FHAD1: variants seen among roughly 807,000 people sequenced by gnomAD.
FHAD1 encodes the protein forkhead associated phosphopeptide binding domain 1, also known as forkhead-associated domain-containing protein 1.
In FHAD1, 146 loss-of-function variants were observed where a neutral mutation model predicts 191.3. The observed-to-expected ratio is 0.76, with a 90% CI of 0.67 to 0.88. FHAD1 has a LOEUF of 0.88. FHAD1 is among the 40% of genes least tolerant of loss of function. FHAD1 has a pLI of 0.00. For missense variants in FHAD1, 1,635 were observed against 1,785.8 expected, an observed-to-expected ratio of 0.92 and a Z score of 1.52; for synonymous variants, 616 against 672.3, an observed-to-expected ratio of 0.92 and a Z score of 1.29.
intron 2 of FHAD1, among the ~76,000 whole-genome samples, chr1:15,262,186 A>C (rs1179154916): frequency 2.0e-5 from 3 of 152,232 alleles, no homozygotes; most frequent in African/African-American, 7.2e-5. Context: ...CCCAGGCTGC[A>C]CAGCAGGAAT....
At chr1:15,260,551 A>C (rs1203197786) in intron 2 of FHAD1, among the ~76,000 whole-genome samples, 1 of 151,852 alleles carries the variant, frequency 6.6e-6, no homozygotes, top group Admixed American at 6.6e-5. Flanking sequence ...TTCTAGCCCC[A>C]CTCTGTTGGA....
chr1:15,246,565 G>A (rs1055243403), upstream of FHAD1, among the ~76,000 whole-genome samples: 2 of 147,516 alleles, frequency 1.4e-5, no homozygotes, highest in Non-Finnish European at 3.0e-5. Flanking sequence ...GGTTTCTTAA[G>A]GACAGTAACT....
At chr1:15,320,112 G>A (rs1675786972) in intron 10 of FHAD1, among the ~76,000 whole-genome samples, 1 of 152,104 alleles carries the variant, frequency 6.6e-6, no homozygotes, top group African/African-American at 2.4e-5. Context: ...TTTCACCCAT[G>A]GGTTACTATG....
At position 15,289,960 on chromosome 1, in the gene FHAD1, G is replaced by C. The variant is rs959546989; in HGVS notation, c.568+294G>C. On this transcript the variant is annotated intron_variant, in intron 4 of 33. Coordinates refer to ENST00000688493, the MANE Select transcript of FHAD1 (RefSeq NM_001391957.1). This position sits in a 1 kb window ranked among gnomAD's most constrained non-coding sequence, Gnocchi z 4.2. Reference sequence around the variant, plus strand: ...GTGGCCTCTGTGTGTGTGTACATATGAGTGTGTCATGGGATCACGTCAACA... The same window carrying C: ...GTGGCCTCTGTGTGTGTGTACATATCAGTGTGTCATGGGATCACGTCAACA... Among the ~76,000 whole-genome samples the C allele has an allele frequency of 6.6e-6, 1 of 152,278 alleles. No individual in the cohort carries two copies. Among genetic ancestry groups the C allele is most frequent in the East Asian group, 1.9e-4 (1 of 5,174 alleles).
intron 25 of FHAD1, among the ~76,000 whole-genome samples, chr1:15,367,892 C>T (rs1373190942): frequency 6.6e-6 from 1 of 152,162 alleles, no homozygotes; most frequent in African/African-American, 2.4e-5. Context: ...TGCTTGGGCT[C>T]CCTCAGCCCC....
chr1:15,308,529 C>G, intron 6 of FHAD1, 84 bp from the exon 7 acceptor site: 1 of 1,506,246 alleles, frequency 6.6e-7, no homozygotes, highest in East Asian at 2.5e-5. Flanking sequence ...CAATCTGAAT[C>G]TTTCTGTCAA....
At chr1:15,315,387 A>T (rs1487665546) in intron 8 of FHAD1, 1 of 152,050 alleles carries the variant, frequency 6.6e-6, no homozygotes, top group Non-Finnish European at 1.5e-5. Context: ...CCTCACATGG[A>T]TAAGAGCTTT....
chr1:15,296,378 C>G (rs1235149888), intron 4 of FHAD1, among the ~76,000 whole-genome samples: 1 of 151,812 alleles, frequency 6.6e-6, no homozygotes, highest in Non-Finnish European at 1.5e-5. Flanking sequence ...CTCAGCCTCC[C>G]GAGTAGCTGG....
chr1:15,324,194 C>G (rs894739681), intron 10 of FHAD1, among the ~76,000 whole-genome samples: 3 of 152,164 alleles, frequency 2.0e-5, no homozygotes, highest in African/African-American at 7.2e-5. Flanking sequence ...ATACAGCTTG[C>G]TAGGGACCGG....
At chr1:15,385,136 T>G (rs1357016534) in intron 31 of FHAD1, among the ~76,000 whole-genome samples, 1 of 152,160 alleles carries the variant, frequency 6.6e-6, no homozygotes, top group Non-Finnish European at 1.5e-5. Context: ...AATCTTTTTT[T>G]TTTTTTTTGC....
chr1:15,395,042 G>A (rs756828360), intron 33 of FHAD1, among the ~76,000 whole-genome samples: 1 of 152,110 alleles, frequency 6.6e-6, no homozygotes, highest in African/African-American at 2.4e-5. Flanking sequence ...GGCTGGGTGC[G>A]GTGGCTCACG....
At chr1:15,254,352 A>G (rs1011811967) in intron 2 of FHAD1, among the ~76,000 whole-genome samples, 3 of 152,248 alleles carry the variant, frequency 2.0e-5, no homozygotes, top group African/African-American at 7.2e-5. Context: ...AATCATACTG[A>G]GCTCATTTTC....
Position 15,329,581 on chromosome 1 carries a change from A to G in FHAD1, c.1906+40A>G. 6.5e-7 allele frequency: 1 copy of G among 1,527,660 alleles called. No individual in the cohort carries two copies. Among genetic ancestry groups the G allele is most frequent in the Non-Finnish European group, 8.9e-7 (1 of 1,126,476 alleles). 94.6% of individuals were successfully genotyped at this position (1,527,660 alleles called of 1,614,324 possible). On this transcript the variant is annotated intron_variant, in intron 14 of 33. Coordinates refer to ENST00000688493, the MANE Select transcript of FHAD1 (RefSeq NM_001391957.1). This position sits in a 1 kb window ranked among gnomAD's most constrained non-coding sequence, Gnocchi z 5.0. ...TTTTCTCACATGGTTGCATGACTCT[A>G]AAATGTCGCGTTGAATCTCAGCATG...
At chr1:15,304,007 G>C (rs1669643351) in intron 6 of FHAD1, among the ~76,000 whole-genome samples, 1 of 152,188 alleles carries the variant, frequency 6.6e-6, no homozygotes, top group Non-Finnish European at 1.5e-5. Flanking sequence ...AGTTTCATCT[G>C]CTCACATTTT....
chr1:15,274,137 C>A (rs1274013347), intron 3 of FHAD1, among the ~76,000 whole-genome samples: 1 of 152,222 alleles, frequency 6.6e-6, no homozygotes, highest in Non-Finnish European at 1.5e-5. Context: ...CTTATCCGTT[C>A]TTCCATGGGT....
chr1:15,267,945 TAAA>T (rs60912081), intron 2 of FHAD1, among the ~76,000 whole-genome samples: 8 of 134,980 alleles, frequency 5.9e-5, no homozygotes, highest in African/African-American at 2.3e-4. Flanking sequence ...AATAGGAATA[TAAA>T]AAATATATAT....
chr1:15,246,090 G>A (rs1016406087), upstream of FHAD1, among the ~76,000 whole-genome samples: 1 of 152,198 alleles, frequency 6.6e-6, no homozygotes, highest in Non-Finnish European at 1.5e-5. Context: ...CAGTTATGGC[G>A]GAAGGCCAAG....
At chr1:15,330,678 G>C (rs989344571) in intron 14 of FHAD1, among the ~76,000 whole-genome samples, 2 of 152,182 alleles carry the variant, frequency 1.3e-5, no homozygotes, top group African/African-American at 4.8e-5. Context: ...AAAGGGGAGA[G>C]AGCATTCTGA....
At chr1:15,358,033 G>T in intron 20 of FHAD1, 77 bp from the exon 21 acceptor site, 1 of 1,029,506 alleles carries the variant, frequency 9.7e-7, no homozygotes, top group South Asian at 1.8e-5. Flanking sequence ...CCCTGTCCTT[G>T]AAGGTGGGGG....
Sources: allele counts gnomAD v4.1 joint callset (sites outside exome capture counted in the v4.1 genomes callset), GRCh38; gene constraint gnomAD v4.1.1; non-coding constraint Gnocchi (gnomAD v3.1); transcripts MANE v1.5; gene names NCBI Gene and HGNC (gene_info 2026-07-23, HGNC 2026-07-21).